The following CSMD1 variants were observed in gnomAD, a reference collection of about 807,000 sequenced individuals.
CSMD1 encodes CUB and Sushi multiple domains 1.
Under a neutral mutation model 417.5 loss-of-function variants are expected in CSMD1, and 213 were observed. The ratio of observed to expected loss-of-function variants is 0.51; its 90% CI spans 0.46 to 0.57. The LOEUF is 0.57. Among genes scored for constraint, CSMD1 ranks in the 20% least tolerant of loss-of-function variants. CSMD1 has a pLI of 0.00. For synonymous variants in CSMD1, 2,862 were observed against 1,736.8 expected (o/e 1.65, Z -16.11); for missense variants, 6,923 against 4,529.7 (o/e 1.53, Z -15.17).
At chr8:4,855,377 G>T (rs578074040) in intron 1 of CSMD1, among the ~76,000 whole-genome samples, 1 of 152,174 alleles carries the variant, frequency 6.6e-6, no homozygotes, top group Admixed American at 6.5e-5. Context: ...CCAAAGGAAC[G>T]CAGTTCCTCA....
chr8:3,292,056 C>G (rs1166160882), intron 25 of CSMD1, among the ~76,000 whole-genome samples: 1 of 152,014 alleles, frequency 6.6e-6, no homozygotes, highest in Non-Finnish European at 1.5e-5. Flanking sequence ...CAAAGAACAT[C>G]TTTATTTCTG....
intron 9 of CSMD1, among the ~76,000 whole-genome samples, chr8:3,575,321 A>G (rs1228208272): frequency 1.3e-5 from 2 of 152,146 alleles, no homozygotes; most frequent in Non-Finnish European, 2.9e-5. Flanking sequence ...CACTCACCAA[A>G]GGATCTAACA....
chr8:3,257,461 C>G (rs960085944), intron 26 of CSMD1, among the ~76,000 whole-genome samples: 1 of 152,126 alleles, frequency 6.6e-6, no homozygotes, highest in Non-Finnish European at 1.5e-5. Flanking sequence ...AAAATACAAC[C>G]AAGTAATAAA....
intron 3 of CSMD1, among the ~76,000 whole-genome samples, chr8:4,190,755 C>T (rs1022357315): frequency 1.3e-5 from 2 of 152,032 alleles, no homozygotes; most frequent in East Asian, 3.9e-4. Flanking sequence ...ACTAATTAAA[C>T]AGTACTATGC....
At chr8:4,017,827 G>A (rs551233277) in intron 4 of CSMD1, among the ~76,000 whole-genome samples, 2 of 152,252 alleles carry the variant, frequency 1.3e-5, no homozygotes, top group South Asian at 2.1e-4. Flanking sequence ...GGAGATCTCA[G>A]CTGTTTGGGT....
intron 1 of CSMD1, among the ~76,000 whole-genome samples, chr8:4,637,943 T>G (rs1802940317): frequency 1.3e-5 from 2 of 152,154 alleles, no homozygotes. Flanking sequence ...GTGCTGGGAT[T>G]ACAGGCGTGA....
chr8:3,195,472 G>A (rs1482568173), intron 33 of CSMD1, among the ~76,000 whole-genome samples: 1 of 152,194 alleles, frequency 6.6e-6, no homozygotes, highest in East Asian at 1.9e-4. Flanking sequence ...TTCTAATCCT[G>A]GAAGAAGCAG....
chr8:3,869,115 A>G (rs747300618), intron 5 of CSMD1, among the ~76,000 whole-genome samples: 1 of 152,066 alleles, frequency 6.6e-6, no homozygotes, highest in East Asian at 1.9e-4. Context: ...CTCCTTGTTC[A>G]CAAGCCAAGA....
At chr8:4,299,725 A>G (rs954968256) in intron 3 of CSMD1, among the ~76,000 whole-genome samples, 7 of 151,928 alleles carry the variant, frequency 4.6e-5, no homozygotes, top group African/African-American at 1.7e-4. Flanking sequence ...CTGACTCCCC[A>G]TTTCAAGCGA....
At position 3,638,299 on chromosome 8, in the gene CSMD1, C is replaced by T. The variant is rs181149118; in HGVS notation, c.1010-21502G>A. On this transcript the variant is annotated intron_variant, in intron 7 of 69. Transcript: ENST00000635120. ...TAAGCAATTTACATAGAAAATGTGTCATCCATTTACAGTCAGTTTTTCCAA... is the reference window on the plus strand; with the variant it reads ...TAAGCAATTTACATAGAAAATGTGTTATCCATTTACAGTCAGTTTTTCCAA... Among the ~76,000 whole-genome samples, 4 of 152,214 alleles carry T rather than the reference C, an allele frequency of 2.6e-5. No homozygotes were observed. In the East Asian group the frequency reaches 5.8e-4, roughly 22 times the overall value.
intron 49 of CSMD1, among the ~76,000 whole-genome samples, chr8:3,084,290 G>T (rs1379517977): frequency 5.9e-5 from 9 of 152,074 alleles, no homozygotes; most frequent in African/African-American, 2.2e-4. Context: ...TTGGGAGGCT[G>T]AGGCAGGAGG....
At chr8:3,085,294 C>T (rs929861938) in intron 49 of CSMD1, among the ~76,000 whole-genome samples, 2 of 152,106 alleles carry the variant, frequency 1.3e-5, no homozygotes, top group Admixed American at 6.6e-5. Flanking sequence ...AAAAACAAAA[C>T]CATATTGACT....
intron 1 of CSMD1, among the ~76,000 whole-genome samples, chr8:4,677,918 A>G (rs564738636): frequency 5.9e-5 from 9 of 152,294 alleles, no homozygotes; most frequent in African/African-American, 2.2e-4. Flanking sequence ...TGAACTATAT[A>G]TTGATTCCGT....
intron 5 of CSMD1, among the ~76,000 whole-genome samples, chr8:3,867,681 G>C (rs1488374823): frequency 6.6e-6 from 1 of 151,976 alleles, no homozygotes; most frequent in African/African-American, 2.4e-5. Flanking sequence ...CAGAAACCTA[G>C]AACCATGTAC....
In CSMD1 at chr8:3,214,634, C is replaced by G. The variant is rs955455447; in HGVS notation, c.4730G>C (p.Gly1577Ala). The change falls in exon 30 of 70, where the codon GGA becomes GCA. Residue 1577 changes from glycine to alanine, a missense_variant. By Grantham distance (60) the Gly-to-Ala change is moderately conservative. Coordinates refer to ENST00000635120, the MANE Select transcript of CSMD1 (RefSeq NM_033225.6). Reference sequence around the variant, plus strand: ...GGTGGAGCCAAGCTTGAAGTCTGTTCCAACTCTTGTCCCATTCATTATATT... The same window carrying G: ...GGTGGAGCCAAGCTTGAAGTCTGTTGCAACTCTTGTCCCATTCATTATATT... ...PGNIMNGTRV[G>A]TDFKLGSTIT... 7.1e-6 allele frequency: 11 copies of G among 1,553,980 alleles called. No individual in the cohort carries two copies. In the Admixed American group the frequency reaches 1.8e-4, roughly 25 times the overall value.
chr8:4,414,627 G>A (rs896654602), intron 3 of CSMD1, among the ~76,000 whole-genome samples: 9 of 152,056 alleles, frequency 5.9e-5, no homozygotes, highest in Non-Finnish European at 1.0e-4. Context: ...ATGCGTGGGT[G>A]TGTTCACTAG....
chr8:3,747,481 A>C (rs1053150425), intron 6 of CSMD1, among the ~76,000 whole-genome samples: 4 of 146,172 alleles, frequency 2.7e-5, no homozygotes, highest in Non-Finnish European at 3.0e-5. Context: ...TTTTCATATA[A>C]ACAAATCATA....
chr8:3,647,423 C>A (rs899594219), intron 7 of CSMD1, among the ~76,000 whole-genome samples: 8 of 151,760 alleles, frequency 5.3e-5, no homozygotes, highest in Admixed American at 2.6e-4. Context: ...AGAAAAACAG[C>A]ATAAAGAGAA....
chr8:4,236,039 G>GTTTTTTTTTTTT (rs869245155), intron 3 of CSMD1, among the ~76,000 whole-genome samples: 5 of 31,712 alleles, frequency 1.6e-4, no homozygotes, highest in African/African-American at 3.4e-4. Context: ...TTTTTTGTTT[G>GTTTTTTTTTTTT]TTTTTTTTTT....
Sources: allele counts gnomAD v4.1 joint callset (sites outside exome capture counted in the v4.1 genomes callset), GRCh38; gene constraint gnomAD v4.1.1; transcripts MANE v1.5; gene names NCBI Gene and HGNC (gene_info 2026-07-23, HGNC 2026-07-21).